ZNF480: variants seen among roughly 807,000 people sequenced by gnomAD.
The protein encoded by ZNF480 is zinc finger protein 480.
A neutral mutation model predicts 14.4 loss-of-function variants in ZNF480; 15 were observed. The observed-to-expected ratio is 1.04, with a 90% CI of 0.70 to 1.60. The LOEUF is 1.60. Among genes scored for constraint, ZNF480 ranks in the 40% most tolerant of loss-of-function variants. The pLI is 0.00. For synonymous variants in ZNF480, 218 were observed against 215.5 expected (o/e 1.01, Z -0.10); for missense variants, 593 against 629.7 (o/e 0.94, Z 0.62).
chr19:52,306,738 T>A (rs1982949696), intron 2 of ZNF480, among the ~76,000 whole-genome samples: 1 of 152,148 alleles, frequency 6.6e-6, no homozygotes, highest in Admixed American at 6.5e-5. Context: ...CCCCTGTTGA[T>A]CAGGTGGGTG....
At chr19:52,313,467 G>A (rs955376834) in intron 2 of ZNF480, among the ~76,000 whole-genome samples, 2 of 151,020 alleles carry the variant, frequency 1.3e-5, no homozygotes, top group Non-Finnish European at 2.9e-5. Context: ...TGAAGCCACT[G>A]TGGACATTGT....
rs78434406 is a variant in ZNF480, at chr19:52,315,825, T to A, written c.200-9T>A. 3.7e-6 allele frequency: 6 copies of A among 1,600,670 alleles called. No individual in the cohort carries two copies. Among genetic ancestry groups the A allele is most frequent in the Admixed American group, 1.7e-5 (1 of 57,176 alleles). On this transcript the variant is annotated splice_polypyrimidine_tract_variant and intron_variant, in intron 3 of 4. Coordinates refer to ENST00000595962, the MANE Select transcript of ZNF480 (RefSeq NM_144684.4). ...TACAGCACATTTTGATTTTTTTTTT[T>A]ACAAACAGGAATCTCTCTTCCTGAC...
rs748416736 is a variant in ZNF480 at position 52,325,112 on chromosome 19, G to A, written c.*2254G>A. 1.3e-5 allele frequency: 2 copies of A among 152,156 alleles called. No individual in the cohort carries two copies. The highest frequency in any genetic ancestry group is 2.9e-5 in the Non-Finnish European group (2 of 68,016). 9.4% of individuals were successfully genotyped at this position (152,156 alleles called of 1,614,324 possible). ...AAAAACTGGGCAAAGGCCATGAATAGACCTTTCTCAAAAGAATACATACAT... is the reference window on the plus strand; with the variant it reads ...AAAAACTGGGCAAAGGCCATGAATAAACCTTTCTCAAAAGAATACATACAT... On this transcript the variant is annotated 3_prime_UTR_variant, in exon 5 of 5. Transcript: ENST00000595962.
chr19:52,315,941 T>C lies in ZNF480; in HGVS notation c.307T>C (p.Cys103Arg). Reference sequence around the variant, plus strand: ...AGCAAAAAATTCAGATGGGAGGGAGTGCATCAAAGGTGTGAACACAGGTAA... The same window carrying C: ...AGCAAAAAATTCAGATGGGAGGGAGCGCATCAAAGGTGTGAACACAGGTAA... ...KIAKNSDGRECIKGVNTGSSY... is the reference protein window; with the variant it reads ...KIAKNSDGRERIKGVNTGSSY... The change falls in exon 4 of 5, where the codon TGC (cysteine) becomes CGC (arginine). Residue 103 changes from cysteine to arginine, a missense_variant. Cys to Arg is a radical substitution (Grantham distance 180). Coordinates refer to ENST00000595962, the MANE Select transcript of ZNF480 (RefSeq NM_144684.4). The C allele has an allele frequency of 6.2e-7, 1 of 1,610,892 alleles. No individual in the cohort carries two copies. Among genetic ancestry groups the C allele is most frequent in the Non-Finnish European group, 8.5e-7 (1 of 1,178,086 alleles).
intron 3 of ZNF480, 120 bp from the exon 4 acceptor site, chr19:52,315,714 A>G (rs554587315): frequency 2.6e-5 from 31 of 1,206,072 alleles, no homozygotes; most frequent in South Asian, 1.5e-4. Flanking sequence ...GAGGCAGTCT[A>G]TGGATGAATT....
chr19:52,304,462 T>C (rs1982834056), intron 2 of ZNF480, among the ~76,000 whole-genome samples: 1 of 152,190 alleles, frequency 6.6e-6, no homozygotes, highest in African/African-American at 2.4e-5. Context: ...TTTCTAATTG[T>C]TCAGTAACTA....
chr19:52,299,358 C>T (rs1264751816), intron 1 of ZNF480, among the ~76,000 whole-genome samples: 3 of 152,204 alleles, frequency 2.0e-5, no homozygotes, highest in Non-Finnish European at 4.4e-5. Context: ...TCCGTAATTT[C>T]AGTCAAGTTG....
chr19:52,314,492 A>C (rs1191012083), intron 3 of ZNF480, among the ~76,000 whole-genome samples: 5 of 150,648 alleles, frequency 3.3e-5, no homozygotes, highest in African/African-American at 1.2e-4. Flanking sequence ...AAAAAAAAAA[A>C]AAAAAACCAA....
chr19:52,321,471 A>G (rs907972156), intron 4 of ZNF480, 108 bp from the exon 5 acceptor site: 13 of 940,658 alleles, frequency 1.4e-5, no homozygotes, highest in Non-Finnish European at 1.7e-5. Context: ...GTGTGCTGAT[A>G]TTTCTTCCAA....
At chr19:52,315,758 C>A (rs1465835510) in intron 3 of ZNF480, 76 bp from the exon 4 acceptor site, 7 of 1,502,848 alleles carry the variant, frequency 4.7e-6, no homozygotes, top group African/African-American at 2.8e-5. Context: ...TTTGTGATAT[C>A]CTGTCTCCTT....
chr19:52,319,579 A>G (rs1277721562), intron 4 of ZNF480, among the ~76,000 whole-genome samples: 1 of 152,092 alleles, frequency 6.6e-6, no homozygotes. Flanking sequence ...GTTCATTTTA[A>G]TTTGAATGGT....
rs770450362 is a variant in ZNF480 at position 52,322,113 on chromosome 19, A to C, written c.863A>C (p.Glu288Ala). 1.2e-6 allele frequency: 2 copies of C among 1,614,026 alleles called. No homozygotes were observed. Among genetic ancestry groups the C allele is most frequent in the Non-Finnish European group, 1.7e-6 (2 of 1,180,004 alleles). Residue 288 changes from glutamate to alanine, a missense_variant, in exon 5 of 5, where the codon GAA (glutamate) becomes GCA (alanine). Transcript: ENST00000595962. ...ATTCATACCAGAGAGAAGCCGTATGAATGTAATGAATGTGGTAAAGTCTTC... is the reference window on the plus strand; with the variant it reads ...ATTCATACCAGAGAGAAGCCGTATGCATGTAATGAATGTGGTAAAGTCTTC... ...QRIHTREKPY[E>A]CNECGKVFSN... is the part of the protein sequence containing the mutation.
chr19:52,300,491 T>A lies in ZNF480; in HGVS notation c.72+7T>A. 6.2e-7 allele frequency: 1 copy of A among 1,610,714 alleles called. No individual in the cohort carries two copies. The highest frequency in any genetic ancestry group is 2.2e-5 in the East Asian group (1 of 44,872). ...AGGGATGGCTCTTCCTCAGGTGAGA[T>A]GATATTCTCGGTGGATTGTTCTGTC... On this transcript the variant is annotated splice_region_variant and intron_variant, in intron 2 of 4. Coordinates refer to ENST00000595962, the MANE Select transcript of ZNF480 (RefSeq NM_144684.4).
intron 2 of ZNF480, chr19:52,301,670 C>T (rs1600212510): frequency 6.6e-6 from 1 of 152,114 alleles, no homozygotes; most frequent in African/African-American, 2.4e-5. Context: ...GCTCTTTGTA[C>T]TGTGGAATGC....
intron 2 of ZNF480, among the ~76,000 whole-genome samples, chr19:52,308,341 C>G (rs1391643810): frequency 7.2e-6 from 1 of 138,136 alleles, no homozygotes; most frequent in African/African-American, 2.7e-5. Flanking sequence ...GAGTCTTGCT[C>G]TGTCATCCAG....
At chr19:52,307,554 T>G (rs1011301370) in intron 2 of ZNF480, 5 of 152,158 alleles carry the variant, frequency 3.3e-5, no homozygotes, top group African/African-American at 1.2e-4. Context: ...GCTAGAGGAA[T>G]TAAATACACA....
chr19:52,307,112 A>G (rs2122526896), intron 2 of ZNF480, among the ~76,000 whole-genome samples: 1 of 152,230 alleles, frequency 6.6e-6, no homozygotes, highest in South Asian at 2.1e-4. Flanking sequence ...CAGAGCCCAC[A>G]CTGACCAGAC....
In ZNF480 at chr19:52,322,717, C is replaced by T. The variant is rs931089804; in HGVS notation, c.1467C>T (p.Gly489=). 16 of 1,612,470 alleles carry T rather than the reference C, an allele frequency of 9.9e-6. No homozygotes were observed. In the Admixed American group the frequency reaches 1.8e-4, roughly 19 times the overall value. The change falls in exon 5 of 5, where the codon GGC becomes GGT. Residue 489 remains glycine, a synonymous_variant. Transcript: ENST00000595962. ...GERPYKCNEC[G]KVFNRIAHLA... is the part of the protein sequence containing the mutation. ...GACCTTACAAATGTAATGAATGTGG[C>T]AAGGTCTTCAATCGAATTGCACACC...
intron 3 of ZNF480, among the ~76,000 whole-genome samples, 194 bp downstream of exon 3, chr19:52,314,473 C>CAAA (rs34349660): frequency 1.0e-3 from 68 of 66,170 alleles, no homozygotes; most frequent in African/African-American, 2.6e-3. Flanking sequence ...AACTCCGTCC[C>CAAA]AAAAAAAAAA....
Sources: allele counts gnomAD v4.1 joint callset (sites outside exome capture counted in the v4.1 genomes callset), GRCh38; gene constraint gnomAD v4.1.1; transcripts MANE v1.5; gene names NCBI Gene and HGNC (gene_info 2026-07-23, HGNC 2026-07-21).